The following ALKBH1 variants were observed in gnomAD, a reference collection of about 807,000 sequenced individuals.
ALKBH1 encodes the protein nucleic acid dioxygenase ALKBH1.
A neutral mutation model predicts 36.6 loss-of-function variants in ALKBH1; 31 were observed. That is an observed-to-expected ratio of 0.85 (90% CI 0.64 to 1.14). The LOEUF (loss-of-function observed/expected upper bound fraction) is 1.14, where lower values mean the gene tolerates loss of function less well. Among genes scored for constraint, ALKBH1 ranks in the 50% most tolerant of loss-of-function variants. The pLI is 0.00. For missense variants in ALKBH1, 490 were observed against 497.3 expected, an observed-to-expected ratio of 0.99 and a Z score of 0.14; for synonymous variants, 183 against 186.6, an observed-to-expected ratio of 0.98 and a Z score of 0.16.
chr14:77,693,402 A>G (rs1429925625), intron 3 of ALKBH1, among the ~76,000 whole-genome samples: 2 of 152,070 alleles, frequency 1.3e-5, no homozygotes, highest in Admixed American at 1.3e-4. Context: ...CTAAAGTACA[A>G]ATTTCTTGAA....
chr14:77,690,772 A>AACAATGTC (rs1451264733), intron 3 of ALKBH1, among the ~76,000 whole-genome samples: 1 of 152,052 alleles, frequency 6.6e-6, no homozygotes, highest in Non-Finnish European at 1.5e-5. Flanking sequence ...TTCTGTTACA[A>AACAATGTC]ACAATGTCAC....
intron 3 of ALKBH1, among the ~76,000 whole-genome samples, chr14:77,682,283 T>C (rs566730630): frequency 1.3e-3 from 201 of 152,324 alleles, no homozygotes; most frequent in Non-Finnish European, 2.3e-3. Context: ...CAGCTAAAGG[T>C]ACAAATAAAA....
intron 2 of ALKBH1, among the ~76,000 whole-genome samples, chr14:77,698,377 T>C (rs966522216): frequency 2.0e-5 from 3 of 152,184 alleles, no homozygotes; most frequent in Non-Finnish European, 4.4e-5. Flanking sequence ...ATGGTGGAAA[T>C]GAGAACATTT....
At chr14:77,675,191 G>A (rs556898756) in intron 5 of ALKBH1, among the ~76,000 whole-genome samples, 6 of 152,054 alleles carry the variant, frequency 3.9e-5, no homozygotes, top group Non-Finnish European at 7.4e-5. Flanking sequence ...TCAGCACTTC[G>A]GGAGGCCGAA....
intron 5 of ALKBH1, 49 bp from the exon 6 acceptor site, chr14:77,674,290 G>A: frequency 6.1e-6 from 9 of 1,466,708 alleles, no homozygotes; most frequent in Non-Finnish European, 8.1e-6. Context: ...TATAAATTTT[G>A]TTTATTAACT....
rs1299975588 is a variant in ALKBH1, at chr14:77,676,440, G to T, written c.547-591C>A. On this transcript the variant is annotated intron_variant, in intron 4 of 5. Coordinates refer to ENST00000216489, the MANE Select transcript of ALKBH1 (RefSeq NM_006020.3). Reference sequence around the variant, plus strand: ...TAGTTAGTATACTCTATCTGTAAATGAGACAGTTCTATTAGGGTAAAAATG... The same window carrying T: ...TAGTTAGTATACTCTATCTGTAAATTAGACAGTTCTATTAGGGTAAAAATG... 2.6e-5 allele frequency among the ~76,000 whole-genome samples: 4 copies of T among 152,098 alleles called. No individual in the cohort carries two copies. In the East Asian group the frequency reaches 7.7e-4, roughly 29 times the overall value.
intron 3 of ALKBH1, among the ~76,000 whole-genome samples, chr14:77,687,463 C>T (rs2080274017): frequency 2.0e-5 from 3 of 151,518 alleles, no homozygotes; most frequent in Admixed American, 1.3e-4. Flanking sequence ...GTCACTTATG[C>T]AAGCTACCCT....
chr14:77,687,130 T>C (rs2139851862), intron 3 of ALKBH1, among the ~76,000 whole-genome samples: 1 of 152,336 alleles, frequency 6.6e-6, no homozygotes, highest in Admixed American at 6.5e-5. Flanking sequence ...TCTTATTTCC[T>C]TCTATGTCAG....
chr14:77,672,773 T>C lies in ALKBH1; in HGVS notation c.*1039A>G, dbSNP rs988002332. On this transcript the variant is annotated 3_prime_UTR_variant, in exon 6 of 6. Coordinates refer to ENST00000216489, the MANE Select transcript of ALKBH1 (RefSeq NM_006020.3). ...TAAAGTAACCTGGACCATGATATAGTCAGTCAAATTGTTGGGGGTATAAAG... is the reference window on the plus strand; with the variant it reads ...TAAAGTAACCTGGACCATGATATAGCCAGTCAAATTGTTGGGGGTATAAAG... 1 of 152,166 alleles carries C rather than the reference T, an allele frequency of 6.6e-6. No individual in the cohort carries two copies. Among genetic ancestry groups the C allele is most frequent in the African/African-American group, 2.4e-5 (1 of 41,422 alleles). The allele number at this position is 152,166 out of a possible 1,614,324, so 9.4% of individuals were successfully genotyped here. A position where few individuals can be genotyped will look rare whatever the true frequency, so the allele number is the denominator to read the frequency against.
intron 3 of ALKBH1, among the ~76,000 whole-genome samples, chr14:77,691,047 C>A (rs575036378): frequency 7.2e-5 from 11 of 152,176 alleles, no homozygotes; most frequent in African/African-American, 2.6e-4. Context: ...ATGATCTGTC[C>A]AACTCGGCCT....
intron 2 of ALKBH1, among the ~76,000 whole-genome samples, chr14:77,701,955 A>ATCTGTTAAGGG (rs2080361570): frequency 6.6e-6 from 1 of 152,158 alleles, no homozygotes; most frequent in Non-Finnish European, 1.5e-5. Context: ...GGCATGAACA[A>ATCTGTTAAGGG]TCTGTTAAGG....
At chr14:77,694,691 T>G in intron 3 of ALKBH1, 47 bp downstream of exon 3, 76 of 1,418,972 alleles carry the variant, frequency 5.4e-5, no homozygotes, top group Non-Finnish European at 6.2e-5. Flanking sequence ...AGACCTGTGA[T>G]GATCTGAGCT....
At chr14:77,700,875 T>A (rs929089559) in intron 2 of ALKBH1, among the ~76,000 whole-genome samples, 1 of 151,836 alleles carries the variant, frequency 6.6e-6, no homozygotes, top group Non-Finnish European at 1.5e-5. Context: ...ATCACTTGAG[T>A]CCAGGAGTTC....
At chr14:77,678,880 ATCTTGGC>A (rs2080221021) in intron 4 of ALKBH1, among the ~76,000 whole-genome samples, 1 of 151,994 alleles carries the variant, frequency 6.6e-6, no homozygotes, top group Non-Finnish European at 1.5e-5. Flanking sequence ...CAGTGGTGCG[ATCTTGGC>A]TCACTGCAAC....
At chr14:77,695,373 C>T (rs1223947478) in intron 2 of ALKBH1, among the ~76,000 whole-genome samples, 2 of 152,160 alleles carry the variant, frequency 1.3e-5, no homozygotes, top group Non-Finnish European at 2.9e-5. Flanking sequence ...CTCTTCTATA[C>T]TTAGCTTCAT....
intron 3 of ALKBH1, among the ~76,000 whole-genome samples, chr14:77,689,420 A>T (rs773736113): frequency 2.6e-5 from 4 of 152,240 alleles, no homozygotes; most frequent in Non-Finnish European, 5.9e-5. Flanking sequence ...ACACAAATGT[A>T]CATTATTTAA....
At chr14:77,682,680 A>G (rs1200455635) in intron 3 of ALKBH1, among the ~76,000 whole-genome samples, 2 of 152,116 alleles carry the variant, frequency 1.3e-5, no homozygotes, top group African/African-American at 4.8e-5. Context: ...TGAGTATCTA[A>G]ATGGCAAAGA....
At chr14:77,697,376 T>G (rs552150353) in intron 2 of ALKBH1, 2 of 161,512 alleles carry the variant, frequency 1.2e-5, no homozygotes, top group African/African-American at 2.4e-5. Flanking sequence ...GCTGGAGCAA[T>G]GACGGGCAAT....
At chr14:77,677,121 C>G (rs60018679) in intron 4 of ALKBH1, among the ~76,000 whole-genome samples, 2,113 of 151,990 alleles carry the variant, frequency 0.014, 46 homozygotes, top group African/African-American at 0.049. Flanking sequence ...CTCACTGCAA[C>G]CTCTGCCTCC....
Sources: gnomAD v4.1 joint callset for allele counts (sites outside exome capture counted in the v4.1 genomes callset) on GRCh38, gnomAD v4.1.1 for gene constraint, MANE v1.5 for transcripts, NCBI Gene and HGNC (gene_info 2026-07-23, HGNC 2026-07-21) for gene names.